TGFBR3: variants seen among roughly 807,000 people sequenced by gnomAD.
TGFBR3 encodes the protein transforming growth factor beta receptor 3, also known as transforming growth factor beta receptor type 3.
TGFBR3 carries 46 observed loss-of-function variants against 87.9 expected under a neutral mutation model. The observed-to-expected ratio is 0.52, with a 90% confidence interval of 0.41 to 0.67. The LOEUF is 0.67. Among genes scored for constraint, TGFBR3 ranks in the 30% least tolerant of loss-of-function variants. TGFBR3 has a pLI of 0.00. For missense variants in TGFBR3, 866 were observed against 1,041.9 expected, an observed-to-expected ratio of 0.83 and a Z score of 2.32; for synonymous variants, 381 against 391.6, an observed-to-expected ratio of 0.97 and a Z score of 0.32.
intron 3 of TGFBR3, among the ~76,000 whole-genome samples, chr1:91,768,392 T>C (rs1367681801): frequency 6.6e-6 from 1 of 152,176 alleles, no homozygotes. Context: ...GTCCAGTATC[T>C]AGCACTTACA....
intron 4 of TGFBR3, among the ~76,000 whole-genome samples, chr1:91,745,014 G>A (rs1461902726): frequency 7.9e-4 from 4 of 5,032 alleles, no homozygotes; most frequent in South Asian, 0.04. Context: ...TCAAACGCAC[G>A]CGTACACACA....
chr1:91,859,857 C>T (rs1678108546), intron 2 of TGFBR3, among the ~76,000 whole-genome samples: 1 of 147,084 alleles, frequency 6.8e-6, no homozygotes, highest in African/African-American at 2.5e-5. Context: ...TGCAGTGAGC[C>T]GAGATCACAC....
intron 2 of TGFBR3, among the ~76,000 whole-genome samples, chr1:91,851,842 T>C (rs1257592823): frequency 6.6e-6 from 1 of 152,256 alleles, no homozygotes; most frequent in Non-Finnish European, 1.5e-5. Context: ...TCGATTCTCT[T>C]GACTTGGCTA....
rs1670980666 is a variant in TGFBR3, at chr1:91,683,468, C to T, written c.*271G>A. ...GTGTTTCACATTGAAAACCCCCAAG[C>T]CTGTGAGGGGCTGGTGGAGAAGACC... On this transcript the variant is annotated 3_prime_UTR_variant, in exon 17 of 17. Coordinates refer to ENST00000212355, the MANE Select transcript of TGFBR3 (RefSeq NM_003243.5). The T allele has an allele frequency of 1.5e-6, 1 of 657,778 alleles. No homozygotes were observed. Among genetic ancestry groups the T allele is most frequent in the African/African-American group, 1.8e-5 (1 of 56,390 alleles). 40.7% of individuals were successfully genotyped at this position (657,778 alleles called of 1,614,324 possible).
intron 2 of TGFBR3, among the ~76,000 whole-genome samples, chr1:91,798,728 G>A (rs1028357304): frequency 6.6e-6 from 1 of 152,186 alleles, no homozygotes; most frequent in African/African-American, 2.4e-5. Context: ...CATCTGCAGT[G>A]CCTGGCATAT....
chr1:91,786,622 G>A (rs1406889074), intron 3 of TGFBR3, among the ~76,000 whole-genome samples: 1 of 151,720 alleles, frequency 6.6e-6, no homozygotes, highest in African/African-American at 2.4e-5. Flanking sequence ...GTAGTGGCGG[G>A]TGCCTGTAAT....
intron 1 of TGFBR3, among the ~76,000 whole-genome samples, chr1:91,877,326 T>G (rs933117561): frequency 5.9e-5 from 9 of 152,090 alleles, no homozygotes; most frequent in African/African-American, 1.9e-4. Flanking sequence ...TTTTCTTTTT[T>G]TGTGTGTGTG....
rs1008610898 is a variant in TGFBR3 at position 91,712,450 on chromosome 1, G to A, written c.1959C>T (p.Tyr653=). 1.9e-6 allele frequency: 3 copies of A among 1,613,896 alleles called. No individual in the cohort carries two copies. Among genetic ancestry groups the A allele is most frequent in the Non-Finnish European group, 2.5e-6 (3 of 1,179,738 alleles). Residue 653 remains tyrosine, a synonymous_variant, in exon 13 of 17, where the codon TAC becomes TAT. Transcript: ENST00000212355. ...PYSNPDRMSH[Y]TIIENICPKD... ...TAGGACAAATATTCTCAATAATGGT[G>A]TAATGAGACATCCTATCAGGGTTCG...
chr1:91,765,292 C>T (rs929189730), intron 3 of TGFBR3, among the ~76,000 whole-genome samples: 2 of 148,522 alleles, frequency 1.3e-5, no homozygotes, highest in South Asian at 2.2e-4. Context: ...AGGCAGTCCA[C>T]AAGTTCTCTG....
At position 91,758,637 on chromosome 1, in the gene TGFBR3, G is replaced by A; in HGVS notation, c.360C>T (p.Ala120=). 6.2e-7 allele frequency: 1 copy of A among 1,613,998 alleles called. No individual in the cohort carries two copies. Among genetic ancestry groups the A allele is most frequent in the Non-Finnish European group, 8.5e-7 (1 of 1,179,918 alleles). Residue 120 remains alanine, a synonymous_variant, in exon 4 of 17, where the codon GCC becomes GCT. Transcript: ENST00000212355. ...LVWHLKTERL[A]TGVSRLFLVS... The stretch of plus-strand genomic sequence containing the variant: ...CCAAAAACAGTCTGGAGACCCCAGT[G>A]GCAAGTCTCTCTGTCTTCAGATGCC...
At chr1:91,734,669 C>G in intron 5 of TGFBR3, 107 bp downstream of exon 5, 2 of 1,414,348 alleles carry the variant, frequency 1.4e-6, no homozygotes, top group South Asian at 2.3e-5. Context: ...CCTTCCAGGT[C>G]CAACATTCTG....
chr1:91,886,763 C>G (rs951168086), upstream of TGFBR3, among the ~76,000 whole-genome samples: 2 of 152,144 alleles, frequency 1.3e-5, no homozygotes, highest in African/African-American at 4.8e-5. Flanking sequence ...CTCTTCCCCT[C>G]CAGCAGCTGA....
At chr1:91,760,216 C>G (rs284178) in intron 3 of TGFBR3, among the ~76,000 whole-genome samples, 1 of 152,106 alleles carries the variant, frequency 6.6e-6, no homozygotes, top group Non-Finnish European at 1.5e-5. Context: ...AGGCCAGGAG[C>G]TTGAGACCAG....
At chr1:91,842,427 C>T (rs550453910) in intron 2 of TGFBR3, among the ~76,000 whole-genome samples, 3 of 152,262 alleles carry the variant, frequency 2.0e-5, no homozygotes, top group Non-Finnish European at 2.9e-5. Flanking sequence ...TCCTGTCCCC[C>T]ACTGGTCCTG....
chr1:91,877,271 A>T lies in TGFBR3; in HGVS notation c.-114+8607T>A, dbSNP rs565076214. Among the ~76,000 whole-genome samples, 3 of 152,220 alleles carry T rather than the reference A, an allele frequency of 2.0e-5. No individual in the cohort carries two copies. In the South Asian group the frequency reaches 6.2e-4, roughly 32 times the overall value. Reference sequence around the variant, plus strand: ...GACCAAAAGCCCTAACCAGCATGGTATCTAGATGGGATACTTTTTGGAAGC... The same window carrying T: ...GACCAAAAGCCCTAACCAGCATGGTTTCTAGATGGGATACTTTTTGGAAGC... On this transcript the variant is annotated intron_variant, in intron 1 of 16. Transcript: ENST00000212355.
intron 2 of TGFBR3, among the ~76,000 whole-genome samples, chr1:91,821,626 C>T (rs1676455361): frequency 6.6e-6 from 1 of 152,152 alleles, no homozygotes; most frequent in East Asian, 1.9e-4. Flanking sequence ...AGTGACAACG[C>T]CCTCTCATAG....
intron 2 of TGFBR3, among the ~76,000 whole-genome samples, chr1:91,822,380 C>G (rs10493858): frequency 0.28 from 41,472 of 147,186 alleles, 6,372 homozygotes; most frequent in African/African-American, 0.41. Context: ...CCTCACCAAT[C>G]TTTTAGAACA....
At chr1:91,873,949 C>CAA (rs769246405) in intron 1 of TGFBR3, among the ~76,000 whole-genome samples, 2 of 105,018 alleles carry the variant, frequency 1.9e-5, no homozygotes, top group Non-Finnish European at 4.1e-5. Flanking sequence ...GACCCTGCCA[C>CAA]AAAAAAAAAA....
chr1:91,893,106 C>T (rs903901474), intron 2 of TGFBR3, among the ~76,000 whole-genome samples: 4 of 152,086 alleles, frequency 2.6e-5, no homozygotes, highest in Admixed American at 2.6e-4. Flanking sequence ...GTTATTATTA[C>T]CCTTTATTGA....
Sources: gnomAD v4.1 joint callset for allele counts (sites outside exome capture counted in the v4.1 genomes callset) on GRCh38, gnomAD v4.1.1 for gene constraint, MANE v1.5 for transcripts, NCBI Gene and HGNC (gene_info 2026-07-23, HGNC 2026-07-21) for gene names.